SMAD9: variants seen among roughly 807,000 people sequenced by gnomAD.
SMAD9 encodes SMAD family member 9.
Under a neutral mutation model 46.1 loss-of-function variants are expected in SMAD9, and 36 were observed. The observed-to-expected ratio is 0.78, with a 90% confidence interval of 0.60 to 1.03. The LOEUF is 1.03. Ranked by LOEUF, SMAD9 falls within the 50% of genes least tolerant of loss-of-function variation. The pLI, the probability that SMAD9 is intolerant of heterozygous loss-of-function variation, is 0.00. For missense variants in SMAD9, 572 were observed against 599.8 expected (o/e 0.95, Z 0.48); for synonymous variants, 245 against 237.1 (o/e 1.03, Z -0.31).
chr13:36,852,438 G>C, intron 6 of SMAD9: 1 of 985,366 alleles, frequency 1.0e-6, no homozygotes, highest in Non-Finnish European at 1.2e-6. Flanking sequence ...GAAACTGAAG[G>C]CTTTCACTTC....
At chr13:36,861,105 T>C (rs1365280131) in intron 5 of SMAD9, among the ~76,000 whole-genome samples, 1 of 151,972 alleles carries the variant, frequency 6.6e-6, no homozygotes, top group African/African-American at 2.4e-5. Context: ...ACCCACTAGA[T>C]GGTAAGTGGG....
intron 1 of SMAD9, among the ~76,000 whole-genome samples, chr13:36,888,625 C>A (rs1230174962): frequency 2.0e-5 from 3 of 152,086 alleles, no homozygotes; most frequent in African/African-American, 7.2e-5. Flanking sequence ...GCAAAAATAT[C>A]ACTGCAATCA....
At chr13:36,909,063 G>GT (rs772395011) in intron 1 of SMAD9, among the ~76,000 whole-genome samples, 21 of 152,254 alleles carry the variant, frequency 1.4e-4, no homozygotes, top group South Asian at 4.2e-4. Context: ...CACTCGTACA[G>GT]TTTTTTTGGC....
At chr13:36,869,309 G>A (rs1329574296) in intron 3 of SMAD9, among the ~76,000 whole-genome samples, 5 of 151,456 alleles carry the variant, frequency 3.3e-5, no homozygotes, top group South Asian at 2.1e-4. Flanking sequence ...TGCAGCCTCC[G>A]ACTCCTGGAT....
At chr13:36,897,579 C>T (rs562445498) in intron 1 of SMAD9, among the ~76,000 whole-genome samples, 1 of 152,082 alleles carries the variant, frequency 6.6e-6, no homozygotes, top group South Asian at 2.1e-4. Flanking sequence ...GGGATATCTT[C>T]AGAAGAAATT....
In SMAD9 at chr13:36,876,451, G is replaced by C. The variant is rs1447509638; in HGVS notation, c.412+2827C>G. Among the ~76,000 whole-genome samples the C allele has an allele frequency of 5.3e-5, 8 of 152,262 alleles. No homozygotes were observed. In the South Asian group the frequency reaches 1.7e-3, roughly 32 times the overall value. On this transcript the variant is annotated intron_variant, in intron 2 of 6. Coordinates refer to ENST00000379826, the MANE Select transcript of SMAD9 (RefSeq NM_001127217.3). The stretch of plus-strand genomic sequence containing the variant: ...GGACCCTTCACCAACTGTTGGGTAC[G>C]AGTCTGTGAAGAAATTAGTACTTAG...
In SMAD9 at chr13:36,879,458, G is replaced by T. The variant is rs375480745; in HGVS notation, c.232C>A (p.Arg78=). 17 of 1,613,548 alleles carry T rather than the reference G, an allele frequency of 1.1e-5. No individual in the cohort carries two copies. In the African/African-American group the frequency reaches 2.0e-4, roughly 19 times the overall value. Residue 78 remains arginine (R), a synonymous_variant, in exon 2 of 7, where the codon CGG becomes AGG. Transcript: ENST00000379826. The stretch of plus-strand genomic sequence containing the variant: ...CCCTTGCGGTGGGACACCTGCAGCC[G>T]CCCGTCCAGGGAGCGGGGAATCGTG... ...CVTIPRSLDG[R]LQVSHRKGLP...
intron 1 of SMAD9, among the ~76,000 whole-genome samples, chr13:36,912,179 T>C (rs1308046787): frequency 6.6e-6 from 1 of 152,188 alleles, no homozygotes; most frequent in African/African-American, 2.4e-5. Context: ...AACCATTTAA[T>C]AGTTATCATG....
At position 36,845,327 on chromosome 13, in the gene SMAD9, CA is replaced by C. The variant is rs914394517; in HGVS notation, c.*3348del. On this transcript the variant is annotated 3_prime_UTR_variant, in exon 7 of 7. Coordinates refer to ENST00000379826, the MANE Select transcript of SMAD9 (RefSeq NM_001127217.3). ...GATTTATACTGAGTGTAAAACAAAACAAAACAAAACATAAGGTATATGTGTT... is the reference window on the plus strand; with the variant it reads ...GATTTATACTGAGTGTAAAACAAAACAAACAAAACATAAGGTATATGTGTT... 9 of 152,018 alleles carry C rather than the reference CA, an allele frequency of 5.9e-5. No homozygotes were observed. Among genetic ancestry groups the C allele is most frequent in the African/African-American group, 2.2e-4 (9 of 41,378 alleles). 9.4% of individuals were successfully genotyped at this position (152,018 alleles called of 1,614,324 possible).
intron 3 of SMAD9, 116 bp from the exon 4 acceptor site, chr13:36,867,499 CAG>C (rs2058246918): frequency 3.3e-6 from 2 of 608,972 alleles, no homozygotes; most frequent in Non-Finnish European, 5.8e-6. Flanking sequence ...GCTACTCCTA[CAG>C]AGAGACCATA....
Position 36,872,910 on chromosome 13 carries a change from G to T in SMAD9, c.418C>A (p.Pro140Thr). ...CTGTGTCTTGGCACGAGCACAGGAG[G>T]CAGTACTAGGATCAGAAAGGAACAA... Reference protein sequence around the residue: ...HYRRVETPVLPPVLVPRHSEY... With the variant: ...HYRRVETPVLTPVLVPRHSEY... Residue 140 changes from proline (P) to threonine (T), a missense_variant, in exon 3 of 7, where the codon CCT becomes ACT. Pro to Thr is a conservative substitution (Grantham distance 38). Coordinates refer to ENST00000379826, the MANE Select transcript of SMAD9 (RefSeq NM_001127217.3). 3 of 1,614,132 alleles carry T rather than the reference G, an allele frequency of 1.9e-6. No homozygotes were observed. The highest frequency in any genetic ancestry group is 2.5e-6 in the Non-Finnish European group (3 of 1,180,006).
intron 1 of SMAD9, among the ~76,000 whole-genome samples, chr13:36,887,617 G>C (rs2058458134): frequency 6.6e-6 from 1 of 152,144 alleles, no homozygotes; most frequent in Non-Finnish European, 1.5e-5. Flanking sequence ...GGACAGATGA[G>C]AGAGCTGGGA....
At chr13:36,901,123 C>T (rs999862114) in intron 1 of SMAD9, among the ~76,000 whole-genome samples, 1 of 152,164 alleles carries the variant, frequency 6.6e-6, no homozygotes, top group African/African-American at 2.4e-5. Flanking sequence ...GTGAATAGTG[C>T]TGCTATAAAC....
At chr13:36,884,470 C>A (rs941175579) in intron 1 of SMAD9, among the ~76,000 whole-genome samples, 4 of 152,076 alleles carry the variant, frequency 2.6e-5, no homozygotes, top group Admixed American at 6.5e-5. Context: ...CTTTTTCTGG[C>A]ATTGAGTTTT....
chr13:36,859,231 C>CAA (rs1246244733), intron 5 of SMAD9, among the ~76,000 whole-genome samples: 1 of 151,988 alleles, frequency 6.6e-6, no homozygotes, highest in African/African-American at 2.4e-5. Flanking sequence ...AGAGGCAGAA[C>CAA]AAAAGGACTA....
At chr13:36,868,265 T>C (rs906388355) in intron 3 of SMAD9, among the ~76,000 whole-genome samples, 2 of 152,246 alleles carry the variant, frequency 1.3e-5, no homozygotes, top group Admixed American at 1.3e-4. Flanking sequence ...AATGTAGCCA[T>C]GTACATTTTA....
At chr13:36,906,988 C>T (rs896058906) in intron 1 of SMAD9, among the ~76,000 whole-genome samples, 48 of 151,416 alleles carry the variant, frequency 3.2e-4, no homozygotes, top group African/African-American at 1.1e-3. Context: ...ACAACCTAAA[C>T]ATCCATCAAC....
At chr13:36,864,566 C>T (rs575354387) in intron 5 of SMAD9, among the ~76,000 whole-genome samples, 3 of 152,154 alleles carry the variant, frequency 2.0e-5, no homozygotes, top group East Asian at 3.8e-4. Context: ...AATGGTTTCT[C>T]GTAAGTGGCC....
intron 1 of SMAD9, among the ~76,000 whole-genome samples, chr13:36,914,237 G>A (rs1013265213): frequency 2.6e-5 from 4 of 152,028 alleles, no homozygotes; most frequent in Non-Finnish European, 5.9e-5. Flanking sequence ...ACTTACTCTC[G>A]GGCCAGGCGC....
Sources: gnomAD v4.1 joint callset for allele counts (sites outside exome capture counted in the v4.1 genomes callset) on GRCh38, gnomAD v4.1.1 for gene constraint, MANE v1.5 for transcripts, NCBI Gene and HGNC (gene_info 2026-07-23, HGNC 2026-07-21) for gene names.